PTPN2: variants seen among roughly 807,000 people sequenced by gnomAD.
The protein encoded by PTPN2 is tyrosine-protein phosphatase non-receptor type 2.
PTPN2 carries 19 observed loss-of-function variants against 57.3 expected under a neutral mutation model. The observed-to-expected ratio is 0.33, with a 90% CI of 0.23 to 0.49. The LOEUF is 0.49. Among genes scored for constraint, PTPN2 ranks in the 20% least tolerant of loss-of-function variants. The pLI, the probability that PTPN2 is intolerant of heterozygous loss-of-function variation, is 0.99. For synonymous variants in PTPN2, 153 were observed against 164.9 expected (o/e 0.93, Z 0.55); for missense variants, 358 against 501.1 (o/e 0.71, Z 2.73).
intron 5 of PTPN2, among the ~76,000 whole-genome samples, chr18:12,818,369 A>G (rs796307981): frequency 2.9e-4 from 44 of 152,348 alleles, no homozygotes; most frequent in African/African-American, 1.0e-3. Flanking sequence ...CCCCATGGCA[A>G]TAATTTCCAA....
chr18:12,843,485 T>C (rs969531973), intron 2 of PTPN2, among the ~76,000 whole-genome samples: 4 of 152,146 alleles, frequency 2.6e-5, no homozygotes, highest in African/African-American at 9.7e-5. Context: ...TGTCCTGGAC[T>C]CCAGCACTCC....
intron 1 of PTPN2, among the ~76,000 whole-genome samples, chr18:12,882,335 G>A (rs1211728028): frequency 6.6e-6 from 1 of 152,152 alleles, no homozygotes; most frequent in East Asian, 1.9e-4. Context: ...ATCTATAGAA[G>A]GATTTCCTTA....
exon 10 of PTPN2, chr18:12,785,712 A>C: frequency 5.3e-6 from 5 of 938,746 alleles, no homozygotes; most frequent in Non-Finnish European, 8.6e-6. Context: ...CTGTGAGGCA[A>C]TCTAGAGGGT....
intron 1 of PTPN2, among the ~76,000 whole-genome samples, chr18:12,883,006 AGGT>A (rs1482290877): frequency 4.6e-5 from 7 of 152,256 alleles, no homozygotes; most frequent in Non-Finnish European, 8.8e-5. Context: ...TTGAATTAAA[AGGT>A]AGTCTAGTTG....
intron 4 of PTPN2, among the ~76,000 whole-genome samples, chr18:12,830,499 G>T (rs1046453497): frequency 6.6e-6 from 1 of 152,148 alleles, no homozygotes; most frequent in Non-Finnish European, 1.5e-5. Context: ...TGCTGATACT[G>T]CTGGAAATTC....
chr18:12,876,417 G>T (rs1240924648), intron 1 of PTPN2, among the ~76,000 whole-genome samples: 3 of 151,836 alleles, frequency 2.0e-5, no homozygotes, highest in East Asian at 3.9e-4. Flanking sequence ...AGTGACCTAC[G>T]ATCGTGCCAC....
chr18:12,843,480 T>TGGACTCCA (rs1429359712), intron 2 of PTPN2, among the ~76,000 whole-genome samples: 1 of 152,196 alleles, frequency 6.6e-6, no homozygotes, highest in Non-Finnish European at 1.5e-5. Context: ...CTGACTGTCC[T>TGGACTCCA]GGACTCCAGC....
intron 5 of PTPN2, among the ~76,000 whole-genome samples, chr18:12,825,287 G>C (rs924363958): frequency 6.6e-6 from 1 of 152,136 alleles, no homozygotes; most frequent in African/African-American, 2.4e-5. Flanking sequence ...AGCTTTGTAA[G>C]TTATTTTCTT....
At chr18:12,870,458 T>G (rs368914250) in intron 1 of PTPN2, among the ~76,000 whole-genome samples, 7,989 of 29,596 alleles carry the variant, frequency 0.27, 1,684 homozygotes, top group Middle Eastern at 0.33. Flanking sequence ...TATATATATA[T>G]ATATAGAGAG....
chr18:12,872,801 T>C (rs2044315046), intron 1 of PTPN2, among the ~76,000 whole-genome samples: 1 of 152,222 alleles, frequency 6.6e-6, no homozygotes, highest in South Asian at 2.1e-4. Flanking sequence ...CTTGAACCAT[T>C]AGTAGTACTG....
intron 3 of PTPN2, among the ~76,000 whole-genome samples, chr18:12,831,873 T>G (rs577963449): frequency 6.6e-6 from 1 of 152,226 alleles, no homozygotes; most frequent in Admixed American, 6.5e-5. Flanking sequence ...ATTTTAATGA[T>G]AGCATAGGGC....
chr18:12,787,881 G>A (rs148559518), downstream of PTPN2: 1 of 154,324 alleles, frequency 6.5e-6, no homozygotes, highest in Non-Finnish European at 1.5e-5. Context: ...AAAGGCGCAA[G>A]GGCCGGGTGG....
At chr18:12,825,253 T>C (rs764264503) in intron 5 of PTPN2, among the ~76,000 whole-genome samples, 1 of 152,232 alleles carries the variant, frequency 6.6e-6, no homozygotes, top group Non-Finnish European at 1.5e-5. Flanking sequence ...GGACAAATTT[T>C]TGTGTTGTGA....
At chr18:12,796,927 G>A (rs1355275838) in intron 8 of PTPN2, among the ~76,000 whole-genome samples, 1 of 152,088 alleles carries the variant, frequency 6.6e-6, no homozygotes, top group East Asian at 1.9e-4. Flanking sequence ...TGCAACTTGA[G>A]GACAGACTGG....
Position 12,868,235 on chromosome 18 carries a change from GTTGTTTT to G in PTPN2, c.70-8988_70-8982del, listed in dbSNP as rs200368006. 2.2e-3 allele frequency among the ~76,000 whole-genome samples: 341 copies of G among 152,090 alleles called. 5 individuals carry two copies. The East Asian group carries it at 0.034, about 15-fold the overall frequency. On this transcript the variant is annotated intron_variant, in intron 1 of 8. Coordinates refer to ENST00000309660, the MANE Select transcript of PTPN2 (RefSeq NM_002828.4). The stretch of plus-strand genomic sequence containing the variant: ...GAAATTACACTTATTTGTCATAGTT[GTTGTTTT>G]TTGTTTTTTGTTTTTTTTTGAGATT...
intron 5 of PTPN2, 87 bp downstream of exon 5, chr18:12,825,723 T>C: frequency 7.6e-7 from 1 of 1,318,766 alleles, no homozygotes; most frequent in Non-Finnish European, 1.0e-6. Flanking sequence ...CAAATGCATG[T>C]GCTTATCAAA....
intron 2 of PTPN2, among the ~76,000 whole-genome samples, chr18:12,855,710 A>C (rs984408458): frequency 6.6e-6 from 1 of 152,156 alleles, no homozygotes; most frequent in Non-Finnish European, 1.5e-5. Flanking sequence ...CCCACCTAAC[A>C]CTGGAGTCCA....
intron 1 of PTPN2, among the ~76,000 whole-genome samples, chr18:12,868,070 T>C (rs1188296601): frequency 6.6e-6 from 1 of 152,172 alleles, no homozygotes; most frequent in Admixed American, 6.5e-5. Context: ...GTCTCAAATA[T>C]GTGGGAAAGA....
intron 1 of PTPN2, among the ~76,000 whole-genome samples, chr18:12,860,129 T>C (rs1446785684): frequency 6.6e-6 from 1 of 151,042 alleles, no homozygotes; most frequent in East Asian, 2.0e-4. Context: ...CTCTACTAAA[T>C]ATACAAAAAA....
Sources: allele counts gnomAD v4.1 joint callset (sites outside exome capture counted in the v4.1 genomes callset), GRCh38; gene constraint gnomAD v4.1.1; transcripts MANE v1.5; gene names NCBI Gene and HGNC (gene_info 2026-07-23, HGNC 2026-07-21).